Variants in KDM3A observed in about 807,000 individuals in gnomAD.
KDM3A encodes lysine demethylase 3A.
A neutral mutation model predicts 158.0 loss-of-function variants in KDM3A; 60 were observed. The ratio of observed to expected loss-of-function variants is 0.38; its 90% confidence interval spans 0.31 to 0.47. The LOEUF (loss-of-function observed/expected upper bound fraction) is 0.47. KDM3A is among the 20% of genes least tolerant of loss of function. The probability of loss-of-function intolerance (pLI) is 0.99; values close to 1 mark genes in which losing one functional copy is unlikely to be tolerated. For missense variants in KDM3A, 1,319 were observed against 1,574.3 expected, an observed-to-expected ratio of 0.84 and a Z score of 2.74; for synonymous variants, 608 against 549.3, an observed-to-expected ratio of 1.11 and a Z score of -1.49.
chr2:86,491,325 A>T, intron 25 of KDM3A, 50 bp downstream of exon 25: 1 of 1,579,114 alleles, frequency 6.3e-7, no homozygotes, highest in South Asian at 1.1e-5. Flanking sequence ...CTATGGCTTC[A>T]TGGCCCATTC....
At chr2:86,445,456 C>T (rs986580770) in intron 2 of KDM3A, among the ~76,000 whole-genome samples, 1 of 152,174 alleles carries the variant, frequency 6.6e-6, no homozygotes, top group African/African-American at 2.4e-5. Flanking sequence ...GAATGCCCTG[C>T]TTCCTTAACT....
At position 86,489,338 on chromosome 2, in the gene KDM3A, C is replaced by T. The variant is rs761765486; in HGVS notation, c.3334C>T (p.Arg1112Trp). ...NAYGLITPED[R>W]KYGTTNLHLD... ...TGCAGGATTAATCACTCCTGAAGAT[C>T]GGAAATATGGAACAACAAATCTTCA... Residue 1112 changes from arginine (R) to tryptophan (W), a missense_variant, in exon 22 of 26, where the codon CGG becomes TGG. Transcript: ENST00000312912. The T allele has an allele frequency of 1.2e-5, 19 of 1,613,638 alleles. No individual in the cohort carries two copies. The East Asian group carries it at 2.2e-4, about 19-fold the overall frequency.
intron 12 of KDM3A, among the ~76,000 whole-genome samples, chr2:86,476,664 TTC>T (rs1214186184): frequency 5.9e-5 from 9 of 152,236 alleles, no homozygotes; most frequent in Non-Finnish European, 1.2e-4. Flanking sequence ...TAAGAGTACT[TTC>T]TGATGAAACA....
chr2:86,461,867 A>T (rs1672945842), intron 8 of KDM3A, among the ~76,000 whole-genome samples: 1 of 152,106 alleles, frequency 6.6e-6, no homozygotes, highest in East Asian at 1.9e-4. Context: ...GTGTAGTTGG[A>T]GTACTGTGAG....
intron 12 of KDM3A, 130 bp from the exon 13 acceptor site, chr2:86,477,747 T>C: frequency 1.2e-6 from 1 of 802,820 alleles, no homozygotes; most frequent in Non-Finnish European, 1.9e-6. Flanking sequence ...GGACAGCATT[T>C]GCAATGAAGC....
chr2:86,489,374 T>G lies in KDM3A; in HGVS notation c.3370T>G (p.Ser1124Ala). The G allele has an allele frequency of 6.2e-7, 1 of 1,614,024 alleles. No individual in the cohort carries two copies. The highest frequency in any genetic ancestry group is 8.5e-7 in the Non-Finnish European group (1 of 1,179,946). Residue 1124 changes from serine (S) to alanine (A), a missense_variant, in exon 22 of 26, where the codon TCT becomes GCT. By Grantham distance (99) the Ser-to-Ala change is moderately conservative. Around this residue, in one of 4 missense-constraint regions of KDM3A, gnomAD observed 186 missense variants for 340.9 expected, o/e 0.55. Transcript: ENST00000312912. The stretch of plus-strand genomic sequence containing the variant: ...AACAACAAATCTTCACTTAGATGTA[T>G]CTGATGCAGCTAATGTCATGGTCTA... ...YGTTNLHLDV[S>A]DAANVMVYVG...
intron 11 of KDM3A, among the ~76,000 whole-genome samples, chr2:86,471,457 A>C (rs994309577): frequency 6.6e-6 from 1 of 151,996 alleles, no homozygotes; most frequent in South Asian, 2.1e-4. Context: ...AAGCAGCCCT[A>C]TCTTTTTTGT....
chr2:86,478,613 T>C lies in KDM3A; in HGVS notation c.2194T>C (p.Tyr732His), dbSNP rs776593885. The change falls in exon 15 of 26, where the codon TAT becomes CAT. Residue 732 changes from tyrosine (Y) to histidine (H), a missense_variant. Physicochemically the swap from Tyr to His is moderately conservative, Grantham distance 83 (BLOSUM62 2). Coordinates refer to ENST00000312912, the MANE Select transcript of KDM3A (RefSeq NM_018433.6). ...TGCCTCTGCCCTTTCTTTAGCACTC[T>C]ATGATGTTGGAGACATTGTTCATTC... is the stretch of plus-strand genomic sequence containing the variant. Reference protein sequence around the residue: ...PTQIIPGKALYDVGDIVHSVR... With the variant: ...PTQIIPGKALHDVGDIVHSVR... 2 of 1,614,084 alleles carry C rather than the reference T, an allele frequency of 1.2e-6. No homozygotes were observed. The highest frequency in any genetic ancestry group is 1.7e-6 in the Non-Finnish European group (2 of 1,179,960).
At chr2:86,486,935 G>A (rs1427372561) in intron 21 of KDM3A, 2 of 152,430 alleles carry the variant, frequency 1.3e-5, no homozygotes, top group Non-Finnish European at 2.9e-5. Context: ...AGAAGACCCG[G>A]TGGGCACAAG....
rs759993386 is a variant in KDM3A, at chr2:86,490,953, C to G, written c.3646C>G (p.Arg1216Gly). 3 of 1,613,732 alleles carry G rather than the reference C, an allele frequency of 1.9e-6. No homozygotes were observed. The highest frequency in any genetic ancestry group is 1.7e-5 in the Admixed American group (1 of 59,992). ...PIHDQSWYLD[R>G]SLRKRLHQEY... The stretch of plus-strand genomic sequence containing the variant: ...TCATGATCAAAGCTGGTATTTAGAC[C>G]GATCATTAAGAAAACGTCTTCATCA... The change falls in exon 24 of 26, where the codon CGA (arginine) becomes GGA (glycine). Residue 1216 changes from arginine to glycine, a missense_variant. Arg to Gly is a moderately radical substitution (Grantham distance 125, BLOSUM62 -2). Transcript: ENST00000312912.
chr2:86,448,115 C>T (rs1380430479), intron 2 of KDM3A, among the ~76,000 whole-genome samples: 1 of 152,162 alleles, frequency 6.6e-6, no homozygotes, highest in Non-Finnish European at 1.5e-5. Flanking sequence ...CACATTTATT[C>T]TGATTTGGAA....
At chr2:86,446,726 G>GT (rs199651786) in intron 2 of KDM3A, among the ~76,000 whole-genome samples, 1 of 152,038 alleles carries the variant, frequency 6.6e-6, no homozygotes, top group South Asian at 2.1e-4. Flanking sequence ...TAAAATAAGT[G>GT]TTTTTTTGTA....
chr2:86,484,026 G>T lies in KDM3A; in HGVS notation c.2962G>T (p.Glu988Ter). The T allele has an allele frequency of 6.2e-7, 1 of 1,613,980 alleles. No homozygotes were observed. The highest frequency in any genetic ancestry group is 1.1e-5 in the South Asian group (1 of 91,042). The change falls in exon 19 of 26, where the codon GAA (glutamate) becomes TAA (stop). Residue 988 changes from glutamate to a stop codon, truncating the protein, a stop_gained. Coordinates refer to ENST00000312912, the MANE Select transcript of KDM3A (RefSeq NM_018433.6). LOFTEE classifies it high-confidence loss of function. The part of the protein sequence containing the change: ...VSGVHHKLNS[E>*]LWKPESFRKE... Reference sequence around the variant, plus strand: ...TGGAGTGCATCATAAATTGAACTCTGAACTTTGGAAACCTGAATCCTTCAG... The same window carrying T: ...TGGAGTGCATCATAAATTGAACTCTTAACTTTGGAAACCTGAATCCTTCAG...
intron 21 of KDM3A, chr2:86,486,990 C>CTCCATGTGCT (rs1305835026): frequency 6.6e-6 from 1 of 152,322 alleles, no homozygotes; most frequent in Non-Finnish European, 1.5e-5. Flanking sequence ...TTGGTGAGTC[C>CTCCATGTGCT]TCCATGTGCT....
chr2:86,462,357 A>G (rs1672964386), intron 8 of KDM3A, among the ~76,000 whole-genome samples: 1 of 152,192 alleles, frequency 6.6e-6, no homozygotes, highest in South Asian at 2.1e-4. Flanking sequence ...AAGGTGACCA[A>G]TATGAGGAAA....
chr2:86,475,488 G>A (rs959095160), intron 12 of KDM3A, among the ~76,000 whole-genome samples: 3 of 152,188 alleles, frequency 2.0e-5, no homozygotes, highest in Admixed American at 1.3e-4. Context: ...GGTTCTAGAT[G>A]TGCATGTGCT....
intron 15 of KDM3A, 62 bp downstream of exon 15, chr2:86,478,797 T>C (rs1673787043): frequency 1.3e-6 from 2 of 1,537,110 alleles, no homozygotes; most frequent in Non-Finnish European, 1.8e-6. Flanking sequence ...GTTTTTCAAA[T>C]AACCCAAGGA....
chr2:86,482,688 A>G lies in KDM3A; in HGVS notation c.2916A>G (p.Gln972=), dbSNP rs755963102. Residue 972 remains glutamine, a synonymous_variant, in exon 18 of 26, where the codon CAA becomes CAG. Transcript: ENST00000312912. ...NWNVFRECWK[Q]GQPVMVSGVH... is the part of the protein sequence containing the mutation. ...ATGTGTTTAGGGAGTGCTGGAAACAAGGGCAGGTAATGTAGGCCTCCCATC... is the reference window on the plus strand; with the variant it reads ...ATGTGTTTAGGGAGTGCTGGAAACAGGGGCAGGTAATGTAGGCCTCCCATC... 6 of 1,613,794 alleles carry G rather than the reference A, an allele frequency of 3.7e-6. No individual in the cohort carries two copies. The South Asian group carries it at 6.6e-5, about 18-fold the overall frequency.
Position 86,442,078 on chromosome 2 carries a change from G to A in KDM3A, c.31G>A (p.Val11Ile). ...GCTCACGCTCGGAGAAAGTTGGCCG[G>A]TATTGGTGGGGAGGAGGTTTCTCAG... MVLTLGESWP[V>I]LVGRRFLSLS... The change falls in exon 2 of 26, where the codon GTA (valine) becomes ATA (isoleucine). Residue 11 changes from valine (V) to isoleucine (I), a missense_variant. Val to Ile is a conservative substitution (Grantham distance 29, BLOSUM62 3). Coordinates refer to ENST00000312912, the MANE Select transcript of KDM3A (RefSeq NM_018433.6). 1 of 1,614,180 alleles carries A rather than the reference G, an allele frequency of 6.2e-7. No individual in the cohort carries two copies. Among genetic ancestry groups the A allele is most frequent in the Non-Finnish European group, 8.5e-7 (1 of 1,180,016 alleles).
Sources: allele counts gnomAD v4.1 joint callset (sites outside exome capture counted in the v4.1 genomes callset), GRCh38; gene constraint gnomAD v4.1.1; regional missense constraint gnomAD v4.1.1; transcripts MANE v1.5; gene names NCBI Gene and HGNC (gene_info 2026-07-23, HGNC 2026-07-21).